Variants in ZNF24 observed in about 807,000 individuals in gnomAD.
ZNF24 encodes the protein zinc finger protein 24.
ZNF24 carries 11 observed loss-of-function variants against 40.9 expected under a neutral mutation model. That is an observed-to-expected ratio of 0.27 (90% confidence interval 0.17 to 0.45). The LOEUF (loss-of-function observed/expected upper bound fraction) is 0.45, where lower values mean the gene tolerates loss of function less well. Ranked by LOEUF, ZNF24 falls within the 20% of genes least tolerant of loss-of-function variation. ZNF24 has a pLI of 1.00. For missense variants in ZNF24, 293 were observed against 437.7 expected, an observed-to-expected ratio of 0.67 and a Z score of 2.95; for synonymous variants, 139 against 154.7, an observed-to-expected ratio of 0.90 and a Z score of 0.75.
chr18:35,338,118 T>A (rs1446717878), intron 3 of ZNF24: 4 of 921,730 alleles, frequency 4.3e-6, no homozygotes, highest in Non-Finnish European at 5.2e-6. Context: ...AAAATAAAAT[T>A]GGCCACTAGG....
intron 1 of ZNF24, among the ~76,000 whole-genome samples, chr18:35,342,057 G>C (rs775845976): frequency 6.6e-6 from 1 of 152,092 alleles, no homozygotes; most frequent in Non-Finnish European, 1.5e-5. Context: ...TTAGCTGGGC[G>C]TGGTGGATTG....
Position 35,336,131 on chromosome 18 carries a change from G to C in ZNF24, c.*1101C>G, listed in dbSNP as rs2044906350. 1.3e-5 allele frequency: 2 copies of C among 152,624 alleles called. No homozygotes were observed. The highest frequency in any genetic ancestry group is 2.9e-5 in the Non-Finnish European group (2 of 68,024). The allele number at this position is 152,624 out of a possible 1,614,324, so 9.5% of individuals were successfully genotyped here. A position where few individuals can be genotyped will look rare whatever the true frequency, so the allele number is the denominator to read the frequency against. ...CAGCAAACCCCTATGATTTACAGTG[G>C]AAGAAATACCTACCTACTTATGGTA... On this transcript the variant is annotated 3_prime_UTR_variant, in exon 4 of 4. Transcript: ENST00000261332.
At chr18:35,338,874 T>C in intron 3 of ZNF24, 2 of 1,373,898 alleles carry the variant, frequency 1.5e-6, no homozygotes, top group Non-Finnish European at 1.9e-6. Context: ...CAGCCCCATA[T>C]ATCAAGAATG....
chr18:35,340,003 G>A lies in ZNF24; in HGVS notation c.421-27C>T, dbSNP rs766948696. On this transcript the variant is annotated intron_variant, in intron 2 of 3. Coordinates refer to ENST00000261332, the MANE Select transcript of ZNF24 (RefSeq NM_006965.4). The surrounding 1 kb of genome is among the most constrained non-coding windows in gnomAD (Gnocchi z 4.6). ...TGGAAACAGAAAGATTTGATTCAGA[G>A]AAGGAACTGTAATGAGAATCAGAAC... is the stretch of plus-strand genomic sequence containing the variant. 1 of 1,597,142 alleles carries A rather than the reference G, an allele frequency of 6.3e-7. No homozygotes were observed. The highest frequency in any genetic ancestry group is 1.3e-5 in the African/African-American group (1 of 74,466).
In ZNF24 at chr18:35,332,828, G is replaced by A. The variant is rs945800803; in HGVS notation, c.*4404C>T. On this transcript the variant is annotated 3_prime_UTR_variant, in exon 4 of 4. Coordinates refer to ENST00000261332, the MANE Select transcript of ZNF24 (RefSeq NM_006965.4). Reference sequence around the variant, plus strand: ...CAATATATCCACACATAACCCAATAGAAAGCAGGTAAGGGATACAAACAAT... The same window carrying A: ...CAATATATCCACACATAACCCAATAAAAAGCAGGTAAGGGATACAAACAAT... 6.6e-6 allele frequency: 1 copy of A among 152,530 alleles called. No individual in the cohort carries two copies. The highest frequency in any genetic ancestry group is 1.5e-5 in the Non-Finnish European group (1 of 68,030). The allele number at this position is 152,530 out of a possible 1,614,324, so 9.4% of individuals were successfully genotyped here. A position where few individuals can be genotyped will look rare whatever the true frequency, so the allele number is the denominator to read the frequency against.
At chr18:35,344,123 G>T (rs1277381937) in intron 1 of ZNF24, among the ~76,000 whole-genome samples, 1 of 151,982 alleles carries the variant, frequency 6.6e-6, no homozygotes, top group African/African-American at 2.4e-5. Context: ...GGGAAGGTGA[G>T]GGTCTCGGAG....
At chr18:35,339,761 G>T in intron 3 of ZNF24, 68 bp downstream of exon 3, 1 of 1,400,134 alleles carries the variant, frequency 7.1e-7, no homozygotes, top group East Asian at 2.4e-5. Context: ...GTGAGAACAA[G>T]CAAAGTTCTG....
In ZNF24 at chr18:35,332,961, C is replaced by T. The variant is rs2044871405; in HGVS notation, c.*4271G>A. On this transcript the variant is annotated 3_prime_UTR_variant, in exon 4 of 4. Transcript: ENST00000261332. ...TAAGAAAAGGTTCTTTTTCGCCCAA[C>T]AGATAAAAACTATCAAGTGTAGGTA... 1 of 152,036 alleles carries T rather than the reference C, an allele frequency of 6.6e-6. No individual in the cohort carries two copies. Among genetic ancestry groups the T allele is most frequent in the South Asian group, 2.1e-4 (1 of 4,814 alleles). 9.4% of individuals were successfully genotyped at this position (152,036 alleles called of 1,614,324 possible).
chr18:35,337,947 T>C (rs757986061), intron 3 of ZNF24, 177 bp from the exon 4 acceptor site: 1 of 565,412 alleles, frequency 1.8e-6, no homozygotes, highest in Non-Finnish European at 2.9e-6. Context: ...AATAACAGTA[T>C]AACATCATGA....
chr18:35,343,585 A>G (rs559188036), intron 1 of ZNF24, among the ~76,000 whole-genome samples: 10 of 152,366 alleles, frequency 6.6e-5, no homozygotes, highest in Admixed American at 5.9e-4. Context: ...GCCTTATCAG[A>G]CAAGTAATAC....
intron 1 of ZNF24, among the ~76,000 whole-genome samples, chr18:35,341,200 C>A (rs1359458362): frequency 6.6e-6 from 1 of 152,118 alleles, no homozygotes; most frequent in Non-Finnish European, 1.5e-5. Flanking sequence ...TCATGCACTA[C>A]AAAATGATGT....
chr18:35,338,756 G>A (rs2044937034), intron 3 of ZNF24: 6 of 1,240,490 alleles, frequency 4.8e-6, no homozygotes, highest in Non-Finnish European at 6.1e-6. Flanking sequence ...GAGACAAACG[G>A]CACACAGGAA....
chr18:35,342,120 C>T (rs1033079548), intron 1 of ZNF24, among the ~76,000 whole-genome samples: 11 of 151,854 alleles, frequency 7.2e-5, no homozygotes, highest in African/African-American at 2.2e-4. Context: ...CTCTTGAACC[C>T]GCGAGGTGGA....
At chr18:35,339,127 A>C in intron 3 of ZNF24, 2 of 1,333,014 alleles carry the variant, frequency 1.5e-6, no homozygotes, top group Non-Finnish European at 1.0e-6. Flanking sequence ...ATGAGAAAGC[A>C]ATCTAGCAGT....
rs1415591243 is a variant in ZNF24, at chr18:35,340,121, G to A, written c.420+110C>T. On this transcript the variant is annotated intron_variant, in intron 2 of 3. Transcript: ENST00000261332. This position sits in a 1 kb window ranked among gnomAD's most constrained non-coding sequence, Gnocchi z 4.6. ...TAACAAGGAGTGGTAGGGGAATGGG[G>A]GAAAAGGCATAAACATAATTCTAAC... The A allele has an allele frequency of 2.7e-6, 4 of 1,500,782 alleles. No homozygotes were observed. The highest frequency in any genetic ancestry group is 2.8e-5 in the African/African-American group (2 of 72,028). 93.0% of individuals were successfully genotyped at this position (1,500,782 alleles called of 1,614,324 possible).
rs1260136906 is a variant in ZNF24, at chr18:35,334,764, A to G, written c.*2468T>C. 6.6e-6 allele frequency: 1 copy of G among 152,244 alleles called. No individual in the cohort carries two copies. Among genetic ancestry groups the G allele is most frequent in the Non-Finnish European group, 1.5e-5 (1 of 68,048 alleles). The allele number at this position is 152,244 out of a possible 1,614,324, so 9.4% of individuals were successfully genotyped here. A position where few individuals can be genotyped will look rare whatever the true frequency, so the allele number is the denominator to read the frequency against. On this transcript the variant is annotated 3_prime_UTR_variant, in exon 4 of 4. Coordinates refer to ENST00000261332, the MANE Select transcript of ZNF24 (RefSeq NM_006965.4). ...GGATGGAATTTAAAAATCACTACATAGTATTTAAAATCAATTTGTCTAGTG... is the reference window on the plus strand; with the variant it reads ...GGATGGAATTTAAAAATCACTACATGGTATTTAAAATCAATTTGTCTAGTG...
intron 3 of ZNF24, 59 bp from the exon 4 acceptor site, chr18:35,337,829 A>C (rs2044926764): frequency 2.7e-6 from 4 of 1,469,712 alleles, no homozygotes; most frequent in Admixed American, 4.6e-5. Context: ...AAGAAACCTA[A>C]AAAAAATTTT....
intron 3 of ZNF24, chr18:35,338,291 CAAG>C: frequency 1.0e-6 from 1 of 985,474 alleles, no homozygotes; most frequent in Non-Finnish European, 1.2e-6. Context: ...GGAGTCTTGA[CAAG>C]AAGGGGCTGA....
At chr18:35,337,853 T>A in intron 3 of ZNF24, 83 bp from the exon 4 acceptor site, 4 of 1,191,668 alleles carry the variant, frequency 3.4e-6, no homozygotes, top group Non-Finnish European at 4.6e-6. Context: ...TTTAATGAAC[T>A]AAAATAGCTA....
Sources: gnomAD v4.1 joint callset for allele counts (sites outside exome capture counted in the v4.1 genomes callset) on GRCh38, gnomAD v4.1.1 for gene constraint, Gnocchi (gnomAD v3.1) non-coding constraint, MANE v1.5 for transcripts, NCBI Gene and HGNC (gene_info 2026-07-23, HGNC 2026-07-21) for gene names.